AP3S1: variants seen among roughly 807,000 people sequenced by gnomAD.
The protein encoded by AP3S1 is AP-3 complex subunit sigma-1.
A neutral mutation model predicts 21.3 loss-of-function variants in AP3S1; 12 were observed. The ratio of observed to expected loss-of-function variants is 0.56; its 90% CI spans 0.36 to 0.91. AP3S1 has a LOEUF of 0.91. Ranked by LOEUF, AP3S1 falls within the 40% of genes least tolerant of loss-of-function variation. AP3S1 has a pLI of 0.01. For missense variants in AP3S1, 116 were observed against 225.0 expected, an observed-to-expected ratio of 0.52 and a Z score of 3.10; for synonymous variants, 48 against 78.4, an observed-to-expected ratio of 0.61 and a Z score of 2.05.
At chr5:115,903,441 T>C (rs1030806788) in intron 5 of AP3S1, 9 of 152,586 alleles carry the variant, frequency 5.9e-5, no homozygotes, top group African/African-American at 2.2e-4. Context: ...AAGTTATTAA[T>C]AAATGCAAAA....
chr5:115,889,612 A>G (rs1047929241), intron 3 of AP3S1, among the ~76,000 whole-genome samples: 7 of 152,208 alleles, frequency 4.6e-5, no homozygotes, highest in Admixed American at 4.6e-4. Flanking sequence ...GAGAATGAAA[A>G]GGCAAGCCAC....
chr5:115,906,290 C>T (rs1165606157), intron 5 of AP3S1, among the ~76,000 whole-genome samples: 2 of 151,894 alleles, frequency 1.3e-5, no homozygotes, highest in African/African-American at 4.8e-5. Flanking sequence ...AAAAATCAGT[C>T]TGGGTATAAT....
At chr5:115,867,361 C>T (rs993593488) in intron 2 of AP3S1, among the ~76,000 whole-genome samples, 1 of 151,998 alleles carries the variant, frequency 6.6e-6, no homozygotes, top group African/African-American at 2.4e-5. Context: ...TCAAATATAC[C>T]TAATTCAGCT....
intron 1 of AP3S1, among the ~76,000 whole-genome samples, chr5:115,861,901 A>G (rs1319376243): frequency 1.8e-5 from 2 of 112,636 alleles, no homozygotes; most frequent in Admixed American, 1.3e-4. Context: ...GGGTCTCGCT[A>G]TGTTGCCCAG....
chr5:115,906,207 T>G (rs368736954), intron 5 of AP3S1, among the ~76,000 whole-genome samples: 1 of 152,188 alleles, frequency 6.6e-6, no homozygotes, highest in Non-Finnish European at 1.5e-5. Context: ...AATGTCATGA[T>G]TGATGAAAAG....
At chr5:115,881,128 C>G (rs910237853) in intron 3 of AP3S1, among the ~76,000 whole-genome samples, 3 of 152,136 alleles carry the variant, frequency 2.0e-5, no homozygotes, top group East Asian at 1.9e-4. Flanking sequence ...ATACAGCACA[C>G]TGATGGGTCT....
At chr5:115,907,882 A>G (rs886454508) in intron 5 of AP3S1, among the ~76,000 whole-genome samples, 1 of 152,154 alleles carries the variant, frequency 6.6e-6, no homozygotes, top group South Asian at 2.1e-4. Flanking sequence ...AAGCAAAAGA[A>G]ATGTTTATAA....
intron 3 of AP3S1, among the ~76,000 whole-genome samples, chr5:115,882,502 C>T (rs916269733): frequency 2.0e-5 from 3 of 152,178 alleles, no homozygotes; most frequent in Admixed American, 6.5e-5. Context: ...ACTCCAGACC[C>T]CGTTTGCCTG....
intron 3 of AP3S1, among the ~76,000 whole-genome samples, chr5:115,879,308 C>T (rs1749058080): frequency 6.6e-6 from 1 of 152,180 alleles, no homozygotes; most frequent in Non-Finnish European, 1.5e-5. Context: ...AGCTTTTGCC[C>T]ATTCAGTATG....
chr5:115,845,925 C>T (rs185245253), intron 1 of AP3S1, among the ~76,000 whole-genome samples: 2 of 145,926 alleles, frequency 1.4e-5, no homozygotes, highest in African/African-American at 5.0e-5. Context: ...CTTCTATATC[C>T]TTGGTCTATG....
At chr5:115,910,950 G>A (rs950712932) in intron 5 of AP3S1, among the ~76,000 whole-genome samples, 14 of 152,108 alleles carry the variant, frequency 9.2e-5, no homozygotes, top group African/African-American at 1.4e-4. Context: ...ATTCATTTGC[G>A]TGTTCTGAAT....
At chr5:115,883,558 G>A (rs191168419) in intron 3 of AP3S1, among the ~76,000 whole-genome samples, 170 of 152,256 alleles carry the variant, frequency 1.1e-3, no homozygotes, top group Middle Eastern at 6.8e-3. Context: ...GTCCCAATGA[G>A]ATGAGCCAGG....
At chr5:115,872,590 C>T (rs568526641) in intron 3 of AP3S1, among the ~76,000 whole-genome samples, 8 of 152,160 alleles carry the variant, frequency 5.3e-5, no homozygotes, top group African/African-American at 1.9e-4. Context: ...AAATTTTGAG[C>T]TTGAGGTAAA....
At chr5:115,873,553 G>A (rs1298679433) in intron 3 of AP3S1, among the ~76,000 whole-genome samples, 1 of 152,126 alleles carries the variant, frequency 6.6e-6, no homozygotes, top group Non-Finnish European at 1.5e-5. Context: ...TGGAAGTTCT[G>A]TGGTTGTGAT....
At chr5:115,895,018 G>A (rs375583223) in intron 3 of AP3S1, 69 bp from the exon 4 acceptor site, 6 of 1,021,468 alleles carry the variant, frequency 5.9e-6, no homozygotes, top group East Asian at 5.3e-5. Context: ...ATTAAGAATT[G>A]CCTTCCTTAT....
intron 3 of AP3S1, among the ~76,000 whole-genome samples, chr5:115,878,090 C>G (rs540584811): frequency 3.9e-5 from 6 of 152,230 alleles, no homozygotes; most frequent in African/African-American, 1.4e-4. Context: ...CTTGTAGATT[C>G]TGGATATTAG....
intron 3 of AP3S1, among the ~76,000 whole-genome samples, chr5:115,886,179 C>T (rs1169207626): frequency 2.0e-5 from 3 of 152,098 alleles, no homozygotes; most frequent in Non-Finnish European, 4.4e-5. Context: ...ACTGCAAAGG[C>T]TCAAATAAAA....
intron 1 of AP3S1, among the ~76,000 whole-genome samples, chr5:115,864,007 A>T (rs1163526433): frequency 6.6e-6 from 1 of 152,238 alleles, no homozygotes; most frequent in Non-Finnish European, 1.5e-5. Flanking sequence ...ATTCTGGAAA[A>T]AGAAAAAAAT....
intron 1 of AP3S1, among the ~76,000 whole-genome samples, chr5:115,845,626 G>C (rs564167744): frequency 1.3e-5 from 2 of 152,084 alleles, no homozygotes; most frequent in South Asian, 4.2e-4. Context: ...CTGAGGTCAA[G>C]AGTTCAAGAC....
Sources: gnomAD v4.1 joint callset for allele counts (sites outside exome capture counted in the v4.1 genomes callset) on GRCh38, gnomAD v4.1.1 for gene constraint, MANE v1.5 for transcripts, NCBI Gene and HGNC (gene_info 2026-07-23, HGNC 2026-07-21) for gene names.